KIF5C: variants seen among roughly 807,000 people sequenced by gnomAD.
KIF5C encodes kinesin heavy chain isoform 5C.
A neutral mutation model predicts 125.2 loss-of-function variants in KIF5C; 18 were observed. The ratio of observed to expected loss-of-function variants is 0.14; its 90% CI spans 0.10 to 0.21. The LOEUF is 0.21. Among genes scored for constraint, KIF5C ranks in the 10% least tolerant of loss-of-function variants. The pLI, the probability that KIF5C is intolerant of heterozygous loss-of-function variation, is 1.00. For missense variants in KIF5C, 780 were observed against 1,183.8 expected (o/e 0.66, Z 5.01); for synonymous variants, 405 against 434.0 (o/e 0.93, Z 0.83).
intron 3 of KIF5C, among the ~76,000 whole-genome samples, chr2:148,936,194 G>T (rs1682286520): frequency 1.3e-5 from 2 of 152,212 alleles, no homozygotes; most frequent in Non-Finnish European, 1.5e-5. Context: ...GGAAGCTGAG[G>T]ATCACTTGAG....
chr2:148,884,539 A>G (rs904511414), intron 1 of KIF5C, among the ~76,000 whole-genome samples: 1 of 152,202 alleles, frequency 6.6e-6, no homozygotes, highest in African/African-American at 2.4e-5. Context: ...TGATCAGCAA[A>G]TGGCCAATCT....
intron 1 of KIF5C, chr2:148,877,821 C>T (rs1226403725): frequency 6.7e-6 from 1 of 149,426 alleles, no homozygotes; most frequent in East Asian, 2.1e-4. Flanking sequence ...AAATCATCTT[C>T]CTTGACCTGT....
At chr2:149,002,280 T>A (rs533781706) in intron 21 of KIF5C, among the ~76,000 whole-genome samples, 2 of 152,212 alleles carry the variant, frequency 1.3e-5, no homozygotes, top group Non-Finnish European at 2.9e-5. Flanking sequence ...TCAGGCACTC[T>A]CACCCTACTG....
At chr2:148,883,646 C>T (rs1343211150) in intron 1 of KIF5C, 1 of 152,034 alleles carries the variant, frequency 6.6e-6, no homozygotes, top group Non-Finnish European at 1.5e-5. Flanking sequence ...AACTGTTTTA[C>T]TTAATAGTAT....
Position 148,981,422 on chromosome 2 carries a change from A to G in KIF5C, c.1430A>G (p.Asn477Ser), listed in dbSNP as rs1163350552. 1 of 1,610,836 alleles carries G rather than the reference A, an allele frequency of 6.2e-7. No individual in the cohort carries two copies. Among genetic ancestry groups the G allele is most frequent in the Admixed American group, 1.7e-5 (1 of 59,652 alleles). ...QEELTRLQIE[N>S]EAAKDEVKEV... ...GAGCTGACACGTCTCCAGATTGAAA[A>G]TGAGGCAGCCAAGGATGAGGTGAAA... The change falls in exon 14 of 26, where the codon AAT becomes AGT. Residue 477 changes from asparagine to serine, a missense_variant. Physicochemically the swap from Asn to Ser is conservative, Grantham distance 46. Coordinates refer to ENST00000435030, the MANE Select transcript of KIF5C (RefSeq NM_004522.3).
intron 1 of KIF5C, among the ~76,000 whole-genome samples, chr2:148,900,865 G>GGGGGCAGGTAGGGT (rs1680872298): frequency 6.6e-6 from 1 of 152,192 alleles, no homozygotes; most frequent in African/African-American, 2.4e-5. Flanking sequence ...TGGTCTAGAA[G>GGGGGCAGGTAGGGT]GGGGCAGGTA....
intron 2 of KIF5C, among the ~76,000 whole-genome samples, chr2:148,927,084 T>G (rs530341753): frequency 1.3e-5 from 2 of 152,176 alleles, no homozygotes; most frequent in Non-Finnish European, 2.9e-5. Context: ...AGCTCCTTAG[T>G]CCAAAACAAG....
At chr2:148,978,334 GTTTTTTTTTTTTTTT>G (rs71406035) in intron 12 of KIF5C, among the ~76,000 whole-genome samples, 7 of 78,658 alleles carry the variant, frequency 8.9e-5, no homozygotes, top group African/African-American at 2.3e-4. Flanking sequence ...CTGCCCTGAG[GTTTTTTTTTTTTTTT>G]TTTTTTTTTT....
At chr2:148,979,037 T>C in intron 13 of KIF5C, 47 bp downstream of exon 13, 1 of 1,481,856 alleles carries the variant, frequency 6.7e-7, no homozygotes, top group Non-Finnish European at 9.0e-7. Flanking sequence ...CTTCTATTAC[T>C]CTTTGTTGTT....
intron 15 of KIF5C, among the ~76,000 whole-genome samples, chr2:148,989,882 C>T (rs1681479819): frequency 6.6e-6 from 1 of 152,140 alleles, no homozygotes; most frequent in Non-Finnish European, 1.5e-5. Context: ...ATACCTGGTT[C>T]CATTTTTTTA....
intron 1 of KIF5C, among the ~76,000 whole-genome samples, chr2:148,911,169 T>C (rs1179974690): frequency 6.6e-6 from 1 of 152,184 alleles, no homozygotes; most frequent in Non-Finnish European, 1.5e-5. Context: ...ACTACAGGAA[T>C]GTTTGTGCCT....
At chr2:148,892,454 G>C (rs1448788494) in intron 1 of KIF5C, among the ~76,000 whole-genome samples, 1 of 152,218 alleles carries the variant, frequency 6.6e-6, no homozygotes, top group African/African-American at 2.4e-5. Flanking sequence ...ACGACTATAG[G>C]AGAAGAGAGC....
At chr2:149,006,857 T>C (rs890835715) in intron 22 of KIF5C, among the ~76,000 whole-genome samples, 1 of 152,036 alleles carries the variant, frequency 6.6e-6, no homozygotes, top group African/African-American at 2.4e-5. Flanking sequence ...GGTTATGACA[T>C]GGACTGAAAA....
rs190947342 is a variant in KIF5C at position 148,929,750 on chromosome 2, A to G, written c.291+396A>G. ...ATAAATAAAAAACTGTAGGTCAGAG[A>G]TTTTTAAAAGTTGGCTTGTGGGCCA... On this transcript the variant is annotated intron_variant, in intron 3 of 25. Coordinates refer to ENST00000435030, the MANE Select transcript of KIF5C (RefSeq NM_004522.3). Among the ~76,000 whole-genome samples, 72 of 152,128 alleles carry G rather than the reference A, an allele frequency of 4.7e-4. No individual in the cohort carries two copies. In the East Asian group the frequency reaches 0.01, roughly 21 times the overall value.
At chr2:148,986,955 C>T (rs2105166702) in intron 15 of KIF5C, among the ~76,000 whole-genome samples, 1 of 152,332 alleles carries the variant, frequency 6.6e-6, no homozygotes, top group East Asian at 1.9e-4. Context: ...CCTTCTCTTC[C>T]TTTCATGTAC....
intron 7 of KIF5C, among the ~76,000 whole-genome samples, chr2:148,943,530 A>G (rs1318362063): frequency 6.6e-6 from 1 of 152,192 alleles, no homozygotes; most frequent in African/African-American, 2.4e-5. Flanking sequence ...ACAATGTAAT[A>G]TATCTTACCG....
chr2:148,957,343 T>A (rs1682815927), intron 10 of KIF5C, among the ~76,000 whole-genome samples: 2 of 152,168 alleles, frequency 1.3e-5, no homozygotes, highest in Admixed American at 1.3e-4. Flanking sequence ...TTTCTTTTTT[T>A]CCTCTGAAAT....
intron 16 of KIF5C, among the ~76,000 whole-genome samples, chr2:148,991,772 A>G (rs1172727260): frequency 6.6e-6 from 1 of 152,212 alleles, no homozygotes; most frequent in African/African-American, 2.4e-5. Context: ...TGACAGAGCT[A>G]GGACTCAAAA....
At chr2:148,982,254 C>T (rs1681256276) in intron 14 of KIF5C, among the ~76,000 whole-genome samples, 1 of 152,198 alleles carries the variant, frequency 6.6e-6, no homozygotes, top group African/African-American at 2.4e-5. Context: ...TCCAGATTCT[C>T]CAAATGAAAG....
Sources: gnomAD v4.1 joint callset for allele counts (sites outside exome capture counted in the v4.1 genomes callset) on GRCh38, gnomAD v4.1.1 for gene constraint, MANE v1.5 for transcripts, NCBI Gene and HGNC (gene_info 2026-07-23, HGNC 2026-07-21) for gene names.